Variants in BAZ1A observed in about 807,000 individuals in gnomAD.
The protein encoded by BAZ1A is bromodomain adjacent to zinc finger domain 1A.
A neutral mutation model predicts 185.2 loss-of-function variants in BAZ1A; 50 were observed. The observed-to-expected ratio is 0.27, with a 90% CI of 0.22 to 0.34. The LOEUF (loss-of-function observed/expected upper bound fraction) is 0.34, where lower values mean the gene tolerates loss of function less well. Ranked by LOEUF, BAZ1A falls within the 10% of genes least tolerant of loss-of-function variation. The pLI, the probability that BAZ1A is intolerant of heterozygous loss-of-function variation, is 1.00. For missense variants in BAZ1A, 1,356 were observed against 1,839.9 expected (o/e 0.74, Z 4.81); for synonymous variants, 571 against 615.6 (o/e 0.93, Z 1.07).
intron 3 of BAZ1A, among the ~76,000 whole-genome samples, chr14:34,837,622 G>A (rs968297378): frequency 6.6e-6 from 1 of 152,032 alleles, no homozygotes. Flanking sequence ...CAAATATCTG[G>A]ATATTATTAA....
chr14:34,782,987 G>T, intron 16 of BAZ1A, 132 bp downstream of exon 16: 1 of 708,338 alleles, frequency 1.4e-6, no homozygotes. Flanking sequence ...GTGTTTTTCT[G>T]GGAAATTATC....
chr14:34,836,674 C>T (rs1450709215), intron 3 of BAZ1A, among the ~76,000 whole-genome samples: 1 of 151,884 alleles, frequency 6.6e-6, no homozygotes, highest in African/African-American at 2.4e-5. Context: ...AAATACTATG[C>T]TTGGACAATT....
At chr14:34,789,128 C>A (rs1347640151) in intron 12 of BAZ1A, among the ~76,000 whole-genome samples, 1 of 152,154 alleles carries the variant, frequency 6.6e-6, no homozygotes, top group Non-Finnish European at 1.5e-5. Context: ...CCTAAAATTT[C>A]ATCAATGTTC....
rs939737893 is a variant in BAZ1A at position 34,777,676 on chromosome 14, AG to A, written c.2237-1162del. ...AAAAAAAAAGGGAAAATTCCTTTTT[AG>A]CTTAGCTTATGAGTTATACAAAAAC... On this transcript the variant is annotated intron_variant, in intron 17 of 26. Transcript: ENST00000360310. Among the ~76,000 whole-genome samples, 80 of 149,356 alleles carry A rather than the reference AG, an allele frequency of 5.4e-4. 1 individual carries two copies. The highest frequency in any genetic ancestry group is 1.8e-3 in the African/African-American group (75 of 40,750).
In BAZ1A at chr14:34,774,356, T is replaced by C; in HGVS notation, c.2968A>G (p.Ile990Val). 2 of 1,613,208 alleles carry C rather than the reference T, an allele frequency of 1.2e-6. No homozygotes were observed. The highest frequency in any genetic ancestry group is 1.7e-6 in the Non-Finnish European group (2 of 1,179,766). Reference protein sequence around the residue: ...RDFLLDIEDRIYQGTLGAIKV... With the variant: ...RDFLLDIEDRVYQGTLGAIKV... ...ATGGCTCCTAATGTTCCTTGGTAGA[T>C]TCTATCTTCAATATCTAAAAGAAAA... is the stretch of plus-strand genomic sequence containing the variant. The change falls in exon 19 of 27, where the codon ATC (isoleucine) becomes GTC (valine). Residue 990 changes from isoleucine to valine, a missense_variant. Around this residue, in one of 7 missense-constraint regions of BAZ1A, gnomAD observed 434 missense variants for 561.7 expected, o/e 0.77. Coordinates refer to ENST00000360310, the MANE Select transcript of BAZ1A (RefSeq NM_013448.3).
intron 3 of BAZ1A, among the ~76,000 whole-genome samples, chr14:34,832,191 TAC>T (rs57379319): frequency 0.079 from 7,611 of 96,518 alleles, 803 homozygotes; most frequent in East Asian, 0.5. Flanking sequence ...TATATACATA[TAC>T]ACACACACAC....
At chr14:34,843,923 C>G (rs181948561) in intron 3 of BAZ1A, among the ~76,000 whole-genome samples, 2 of 152,038 alleles carry the variant, frequency 1.3e-5, no homozygotes, top group African/African-American at 4.8e-5. Flanking sequence ...GGTTTAAACA[C>G]GGCCGGGCGC....
intron 3 of BAZ1A, among the ~76,000 whole-genome samples, chr14:34,853,774 A>G (rs934946371): frequency 2.6e-5 from 4 of 151,902 alleles, no homozygotes; most frequent in Admixed American, 2.6e-4. Flanking sequence ...GCGACAGAGC[A>G]AGACCCCATC....
intron 5 of BAZ1A, among the ~76,000 whole-genome samples, chr14:34,810,583 T>A (rs377097538): frequency 1.3e-5 from 2 of 152,128 alleles, no homozygotes; most frequent in East Asian, 1.9e-4. Context: ...AGAAGACTAT[T>A]TGGGGTTAGT....
intron 9 of BAZ1A, among the ~76,000 whole-genome samples, chr14:34,796,000 C>A (rs112053538): frequency 5.3e-5 from 8 of 152,078 alleles, no homozygotes; most frequent in African/African-American, 1.9e-4. Context: ...CAAAATAATA[C>A]TATAAAGACT....
Position 34,825,313 on chromosome 14 carries a change from C to T in BAZ1A, c.536+700G>A, listed in dbSNP as rs142816108. On this transcript the variant is annotated intron_variant, in intron 4 of 26. Transcript: ENST00000360310. ...TACTAAAAATACAAAATTAGCCGGG[C>T]GTGGTGGTGCATGCCTGTAATCCCA... Among the ~76,000 whole-genome samples the T allele has an allele frequency of 5.0e-3, 760 of 151,606 alleles. 9 individuals carry two copies. Among genetic ancestry groups the T allele is most frequent in the Non-Finnish European group, 5.0e-3 (339 of 67,848 alleles).
Position 34,792,811 on chromosome 14 carries a change from C to G in BAZ1A, c.1474G>C (p.Val492Leu). 1 of 1,613,966 alleles carries G rather than the reference C, an allele frequency of 6.2e-7. No individual in the cohort carries two copies. The highest frequency in any genetic ancestry group is 8.5e-7 in the Non-Finnish European group (1 of 1,179,980). ...FQAIAEEEEEVAKEQLTDADT... is the reference protein window; with the variant it reads ...FQAIAEEEEELAKEQLTDADT... Reference sequence around the variant, plus strand: ...GCATCAGTTAGTTGCTCTTTGGCTACTTCCTCTTCTTCTTCAGCTATTGCC... The same window carrying G: ...GCATCAGTTAGTTGCTCTTTGGCTAGTTCCTCTTCTTCTTCAGCTATTGCC... The change falls in exon 12 of 27, where the codon GTA becomes CTA. Residue 492 changes from valine to leucine, a missense_variant. This residue lies in a region of BAZ1A where 184 missense variants were observed against 355.1 expected (regional missense o/e 0.52). Coordinates refer to ENST00000360310, the MANE Select transcript of BAZ1A (RefSeq NM_013448.3).
chr14:34,783,065 GT>G, intron 16 of BAZ1A, 53 bp downstream of exon 16: 3 of 1,352,414 alleles, frequency 2.2e-6, no homozygotes, highest in Non-Finnish European at 3.1e-6. Flanking sequence ...AAGGTGTCTG[GT>G]TTTTATTCTT....
At chr14:34,781,585 C>T (rs902599397) in intron 16 of BAZ1A, among the ~76,000 whole-genome samples, 13 of 150,084 alleles carry the variant, frequency 8.7e-5, no homozygotes, top group East Asian at 3.9e-4. Flanking sequence ...AGCACAATTT[C>T]GGCTCATTGC....
At chr14:34,822,453 A>G (rs2042102800) in intron 4 of BAZ1A, among the ~76,000 whole-genome samples, 1 of 152,072 alleles carries the variant, frequency 6.6e-6, no homozygotes, top group African/African-American at 2.4e-5. Context: ...ATGAAACTCC[A>G]TCTGTACAAA....
In BAZ1A at chr14:34,773,680, T is replaced by C; in HGVS notation, c.3044A>G (p.Tyr1015Cys). ...CTTGTTTTCCTCACTTAACAGCTCA[T>C]ACCGTCCACTTTCTAATGCTGATCT... The part of the protein sequence containing the change: ...IWRSALESGR[Y>C]ELLSEENKEN... Residue 1015 changes from tyrosine (Y) to cysteine (C), a missense_variant, in exon 20 of 27, where the codon TAT becomes TGT. Physicochemically the swap from Tyr to Cys is radical, Grantham distance 194. This residue lies in a region of BAZ1A where 434 missense variants were observed against 561.7 expected (regional missense o/e 0.77). Coordinates refer to ENST00000360310, the MANE Select transcript of BAZ1A (RefSeq NM_013448.3). 6.2e-7 allele frequency: 1 copy of C among 1,613,736 alleles called. No individual in the cohort carries two copies. Among genetic ancestry groups the C allele is most frequent in the Non-Finnish European group, 8.5e-7 (1 of 1,179,868 alleles).
chr14:34,810,152 A>C (rs1594862889), intron 5 of BAZ1A, among the ~76,000 whole-genome samples: 1 of 152,304 alleles, frequency 6.6e-6, no homozygotes, highest in Middle Eastern at 3.4e-3. Flanking sequence ...GGATGAGAAC[A>C]TAAGCAAAAA....
At chr14:34,774,775 CTAAA>C (rs751106193) in intron 18 of BAZ1A, among the ~76,000 whole-genome samples, 43 of 151,632 alleles carry the variant, frequency 2.8e-4, no homozygotes, top group Admixed American at 1.2e-3. Context: ...GACCCTGTCT[CTAAA>C]TAAATAAATA....
At chr14:34,775,199 C>G (rs558005142) in intron 18 of BAZ1A, among the ~76,000 whole-genome samples, 4 of 150,724 alleles carry the variant, frequency 2.7e-5, no homozygotes, top group Non-Finnish European at 5.9e-5. Flanking sequence ...AATTCTGTCT[C>G]AAACAAAAAA....
Sources: gnomAD v4.1 joint callset for allele counts (sites outside exome capture counted in the v4.1 genomes callset) on GRCh38, gnomAD v4.1.1 for gene constraint, gnomAD v4.1.1 regional missense constraint, MANE v1.5 for transcripts, NCBI Gene and HGNC (gene_info 2026-07-23, HGNC 2026-07-21) for gene names.